Variants in ZFHX3 observed in about 807,000 individuals in gnomAD.
The protein encoded by ZFHX3 is zinc finger homeobox protein 3.
ZFHX3 carries 42 observed loss-of-function variants against 279.1 expected under a neutral mutation model. That is an observed-to-expected ratio of 0.15 (90% CI 0.12 to 0.19). The LOEUF (loss-of-function observed/expected upper bound fraction) is 0.19. Among genes scored for constraint, ZFHX3 ranks in the 10% least tolerant of loss-of-function variants. ZFHX3 has a pLI of 1.00. For synonymous variants in ZFHX3, 2,293 were observed against 1,957.8 expected (o/e 1.17, Z -4.52); for missense variants, 4,981 against 4,754.0 (o/e 1.05, Z -1.40).
chr16:73,254,164 G>T (rs961436878), intron 5 of ZFHX3, among the ~76,000 whole-genome samples: 2 of 152,124 alleles, frequency 1.3e-5, no homozygotes, highest in East Asian at 3.9e-4. Context: ...GGCAATGGTT[G>T]CTTGGGGACT....
chr16:73,542,094 C>G (rs1234340035), intron 2 of ZFHX3, among the ~76,000 whole-genome samples: 1 of 152,026 alleles, frequency 6.6e-6, no homozygotes, highest in Non-Finnish European at 1.5e-5. Flanking sequence ...GCAACCGCGC[C>G]CGGCCCTGTT....
At chr16:73,035,104 G>A (rs1010044439) in intron 1 of ZFHX3, among the ~76,000 whole-genome samples, 1 of 152,102 alleles carries the variant, frequency 6.6e-6, no homozygotes, top group Non-Finnish European at 1.5e-5. Context: ...GGCTTGTCTC[G>A]ATAGAGATGT....
chr16:73,794,431 G>T (rs411956), intron 1 of ZFHX3: 1 of 152,214 alleles, frequency 6.6e-6, no homozygotes, highest in Non-Finnish European at 1.5e-5. Flanking sequence ...TGTCCAGTCA[G>T]GCAAAGCCAT....
chr16:73,658,607 A>G (rs1420411745), intron 2 of ZFHX3, among the ~76,000 whole-genome samples: 1 of 152,148 alleles, frequency 6.6e-6, no homozygotes, highest in Non-Finnish European at 1.5e-5. Context: ...CTGGCCAGAA[A>G]TAGAAATTTT....
chr16:73,233,872 T>C (rs2012857935), intron 5 of ZFHX3: 1 of 152,202 alleles, frequency 6.6e-6, no homozygotes, highest in African/African-American at 2.4e-5. Context: ...TTCACATTGC[T>C]TCCTTATTTA....
At chr16:73,575,191 C>T (rs117392302) in intron 2 of ZFHX3, among the ~76,000 whole-genome samples, 28 of 152,312 alleles carry the variant, frequency 1.8e-4, no homozygotes, top group East Asian at 1.9e-4. Context: ...CAGAATCCTG[C>T]TCCTGGAATA....
chr16:72,908,330 T>A (rs1456668738), intron 3 of ZFHX3, among the ~76,000 whole-genome samples: 1 of 152,222 alleles, frequency 6.6e-6, no homozygotes, highest in African/African-American at 2.4e-5. Flanking sequence ...TAGGGCCACC[T>A]ACCTCACCAG....
intron 1 of ZFHX3, among the ~76,000 whole-genome samples, chr16:73,840,684 G>C (rs113749257): frequency 1.3e-5 from 2 of 152,144 alleles, no homozygotes; most frequent in Admixed American, 6.5e-5. Flanking sequence ...TGTGGTTCTC[G>C]ATAATTCCTT....
chr16:73,663,422 G>A (rs920091490), intron 2 of ZFHX3, among the ~76,000 whole-genome samples: 4 of 152,148 alleles, frequency 2.6e-5, no homozygotes, highest in African/African-American at 7.2e-5. Context: ...GTCTTGCCTG[G>A]TACAATGAAT....
intron 2 of ZFHX3, among the ~76,000 whole-genome samples, chr16:73,484,337 T>C (rs1374783153): frequency 1.3e-5 from 2 of 152,194 alleles, no homozygotes; most frequent in East Asian, 1.9e-4. Flanking sequence ...CTCTAATCTC[T>C]TAACAATTCA....
chr16:73,758,815 G>A (rs774683094), intron 1 of ZFHX3, among the ~76,000 whole-genome samples: 10 of 152,202 alleles, frequency 6.6e-5, no homozygotes, highest in Middle Eastern at 3.4e-3. Flanking sequence ...TCTCCCCCTC[G>A]CACTTTGAGT....
At chr16:73,417,270 C>T (rs2143479739) in intron 3 of ZFHX3, among the ~76,000 whole-genome samples, 1 of 152,066 alleles carries the variant, frequency 6.6e-6, no homozygotes, top group Middle Eastern at 3.4e-3. Context: ...AGCTGTCTTA[C>T]ATTTAGGATT....
chr16:73,432,084 G>A (rs893677645), intron 3 of ZFHX3, among the ~76,000 whole-genome samples: 8 of 152,234 alleles, frequency 5.3e-5, no homozygotes, highest in South Asian at 4.2e-4. Context: ...ATAAAAATCC[G>A]TCTCCGCCTA....
intron 3 of ZFHX3, among the ~76,000 whole-genome samples, chr16:73,417,861 C>A (rs939526984): frequency 8.6e-5 from 13 of 150,778 alleles, no homozygotes; most frequent in Non-Finnish European, 2.9e-5. Context: ...TGGTGGCAGG[C>A]GCCTGTAGTC....
At chr16:73,330,371 A>T (rs75339281) in intron 3 of ZFHX3, among the ~76,000 whole-genome samples, 1,813 of 152,310 alleles carry the variant, frequency 0.012, 23 homozygotes, top group South Asian at 0.06. Flanking sequence ...GGATATTAAA[A>T]AGGGGATTGA....
chr16:73,222,232 C>A (rs546997155), intron 5 of ZFHX3, among the ~76,000 whole-genome samples: 1 of 151,936 alleles, frequency 6.6e-6, no homozygotes, highest in Non-Finnish European at 1.5e-5. Context: ...CAAAATTGTG[C>A]ATTTAAAGCA....
chr16:73,662,611 G>A (rs902832235), intron 2 of ZFHX3, among the ~76,000 whole-genome samples: 2 of 152,172 alleles, frequency 1.3e-5, no homozygotes, highest in Non-Finnish European at 2.9e-5. Flanking sequence ...AAGAGGCTGA[G>A]AGATGCCAGA....
intron 4 of ZFHX3, among the ~76,000 whole-genome samples, chr16:72,846,160 T>C (rs1567545086): frequency 6.6e-6 from 1 of 152,078 alleles, no homozygotes; most frequent in Admixed American, 6.5e-5. Flanking sequence ...AGCAGCTCAG[T>C]AAGTGAGCAT....
At chr16:73,333,811 A>C (rs79475068) in intron 3 of ZFHX3, among the ~76,000 whole-genome samples, 1 of 150,248 alleles carries the variant, frequency 6.7e-6, no homozygotes, top group Non-Finnish European at 1.5e-5. Flanking sequence ...AGACCAAAAA[A>C]AAAAAAAAAA....
Sources: allele counts gnomAD v4.1 joint callset (sites outside exome capture counted in the v4.1 genomes callset), GRCh38; gene constraint gnomAD v4.1.1; transcripts MANE v1.5; gene names NCBI Gene and HGNC (gene_info 2026-07-23, HGNC 2026-07-21).